Variants in NEBL observed in about 807,000 individuals in gnomAD.
The protein encoded by NEBL is nebulette.
NEBL carries 122 observed loss-of-function variants against 140.2 expected under a neutral mutation model. The observed-to-expected ratio is 0.87, with a 90% CI of 0.75 to 1.01. The LOEUF (loss-of-function observed/expected upper bound fraction) is 1.01. Ranked by LOEUF, NEBL falls within the 50% of genes least tolerant of loss-of-function variation. The probability of loss-of-function intolerance (pLI) is 0.00; values close to 1 mark genes in which losing one functional copy is unlikely to be tolerated. For synonymous variants in NEBL, 436 were observed against 398.9 expected (o/e 1.09, Z -1.11); for missense variants, 1,365 against 1,231.3 (o/e 1.11, Z -1.62).
intron 3 of NEBL, among the ~76,000 whole-genome samples, chr10:21,223,272 C>T: frequency 6.6e-6 from 1 of 152,172 alleles, no homozygotes; most frequent in East Asian, 1.9e-4. Flanking sequence ...TAAATTTTAG[C>T]TTCCATGGAT....
At chr10:21,223,113 C>G (rs953719650) in intron 3 of NEBL, among the ~76,000 whole-genome samples, 1 of 152,196 alleles carries the variant, frequency 6.6e-6, no homozygotes, top group African/African-American at 2.4e-5. Context: ...TTTAGTCACT[C>G]TGTTGTGCCA....
intron 26 of NEBL, among the ~76,000 whole-genome samples, chr10:20,805,884 A>C (rs1228419310): frequency 6.6e-6 from 1 of 152,014 alleles, no homozygotes; most frequent in Non-Finnish European, 1.5e-5. Context: ...TTTTCTTACA[A>C]GGCATTATTT....
chr10:20,959,789 T>TA (rs1169914106), intron 4 of NEBL, among the ~76,000 whole-genome samples: 9 of 151,774 alleles, frequency 5.9e-5, no homozygotes, highest in South Asian at 2.1e-4. Flanking sequence ...GTTTTTTTTT[T>TA]AAAAAAAGAT....
intron 12 of NEBL, 96 bp downstream of exon 12, chr10:20,845,162 C>A: frequency 1.3e-6 from 1 of 772,252 alleles, no homozygotes; most frequent in Non-Finnish European, 2.2e-6. Context: ...GCCTTAATAT[C>A]TGAAACACTG....
chr10:21,131,377 C>A (rs1215987935), intron 2 of NEBL, among the ~76,000 whole-genome samples: 1 of 152,140 alleles, frequency 6.6e-6, no homozygotes, highest in Non-Finnish European at 1.5e-5. Context: ...GGAATACTTC[C>A]TAACTCATTC....
chr10:20,960,742 C>T (rs1836013271), intron 4 of NEBL, among the ~76,000 whole-genome samples: 1 of 151,852 alleles, frequency 6.6e-6, no homozygotes, highest in Non-Finnish European at 1.5e-5. Flanking sequence ...TGTATACATA[C>T]ATCTCATGAT....
chr10:21,113,269 A>C, intron 2 of NEBL: 1 of 311,960 alleles, frequency 3.2e-6, no homozygotes, highest in Admixed American at 3.9e-5. Flanking sequence ...ATCAACACCA[A>C]GATCAAAAGG....
intron 2 of NEBL, among the ~76,000 whole-genome samples, chr10:21,022,645 C>A (rs116178411): frequency 7.0e-4 from 106 of 152,144 alleles, no homozygotes; most frequent in Non-Finnish European, 1.4e-3. Flanking sequence ...AGAGTATAAA[C>A]GAATCTAGTT....
At chr10:20,867,973 G>A (rs936716015) in intron 7 of NEBL, 7 of 149,272 alleles carry the variant, frequency 4.7e-5, no homozygotes, top group African/African-American at 1.7e-4. Context: ...CCCCTTCACT[G>A]GTCTTCATTT....
intron 3 of NEBL, among the ~76,000 whole-genome samples, chr10:21,214,536 TACAC>T (rs1316448324): frequency 6.7e-6 from 1 of 148,940 alleles, no homozygotes; most frequent in Non-Finnish European, 1.5e-5. Flanking sequence ...TACACACACA[TACAC>T]ACATGCACAC....
intron 3 of NEBL, among the ~76,000 whole-genome samples, chr10:21,231,258 G>T (rs1215207988): frequency 2.0e-5 from 3 of 152,160 alleles, no homozygotes; most frequent in Non-Finnish European, 4.4e-5. Context: ...AAAAATAAAA[G>T]GCTGGGCGCA....
chr10:21,183,591 G>A (rs1188994791), intron 3 of NEBL, among the ~76,000 whole-genome samples: 1 of 152,198 alleles, frequency 6.6e-6, no homozygotes, highest in Non-Finnish European at 1.5e-5. Context: ...ATTTACAAAA[G>A]TAGAATGTTT....
chr10:21,011,833 A>G (rs1838352411), intron 3 of NEBL, among the ~76,000 whole-genome samples: 1 of 152,150 alleles, frequency 6.6e-6, no homozygotes, highest in African/African-American at 2.4e-5. Context: ...CCCCAGGGCC[A>G]CACTGTTCCT....
At chr10:20,905,637 A>G (rs1417462139) in intron 4 of NEBL, among the ~76,000 whole-genome samples, 1 of 152,152 alleles carries the variant, frequency 6.6e-6, no homozygotes, top group East Asian at 1.9e-4. Context: ...CCAATAAATG[A>G]CCAGATCTCC....
intron 3 of NEBL, among the ~76,000 whole-genome samples, chr10:21,223,685 T>C (rs1219426735): frequency 6.6e-6 from 1 of 152,208 alleles, no homozygotes; most frequent in African/African-American, 2.4e-5. Flanking sequence ...AGGGTTCCCT[T>C]TTCTCCATGT....
At chr10:20,841,128 A>G (rs1841378328) in intron 12 of NEBL, among the ~76,000 whole-genome samples, 1 of 151,908 alleles carries the variant, frequency 6.6e-6, no homozygotes, top group African/African-American at 2.4e-5. Flanking sequence ...CTTCTCTTTC[A>G]ATGGTGAGGA....
chr10:20,889,367 T>C (rs2131367601), intron 3 of NEBL, among the ~76,000 whole-genome samples: 1 of 152,360 alleles, frequency 6.6e-6, no homozygotes, highest in African/African-American at 2.4e-5. Flanking sequence ...GTATCACTGT[T>C]GAACTGAACT....
chr10:21,049,349 T>A (rs948209842), intron 2 of NEBL, among the ~76,000 whole-genome samples: 2 of 152,222 alleles, frequency 1.3e-5, no homozygotes, highest in African/African-American at 2.4e-5. Context: ...TGGGGCCCGC[T>A]GCTTTGCATT....
At chr10:20,814,621 C>T (rs957224596) in intron 22 of NEBL, among the ~76,000 whole-genome samples, 1 of 149,340 alleles carries the variant, frequency 6.7e-6, no homozygotes, top group Non-Finnish European at 1.5e-5. Flanking sequence ...CACACATACA[C>T]ACACACACAC....
Sources: gnomAD v4.1 joint callset for allele counts (sites outside exome capture counted in the v4.1 genomes callset) on GRCh38, gnomAD v4.1.1 for gene constraint, MANE v1.5 for transcripts, NCBI Gene and HGNC (gene_info 2026-07-23, HGNC 2026-07-21) for gene names.